Variants in AGBL4 observed in about 807,000 individuals in gnomAD.
AGBL4 encodes the protein AGBL carboxypeptidase 4.
Under a neutral mutation model 66.4 loss-of-function variants are expected in AGBL4, and 58 were observed. The ratio of observed to expected loss-of-function variants is 0.87; its 90% CI spans 0.71 to 1.09. AGBL4 has a LOEUF of 1.09. AGBL4 is among the 50% of genes least tolerant of loss of function. The pLI is 0.00. For missense variants in AGBL4, 579 were observed against 631.0 expected (o/e 0.92, Z 0.88); for synonymous variants, 234 against 222.9 (o/e 1.05, Z -0.44).
chr1:48,584,335 C>A (rs1569883824), intron 11 of AGBL4: 1 of 152,198 alleles, frequency 6.6e-6, no homozygotes. Context: ...CCACTTACAG[C>A]TTCTGCCCAT....
At chr1:49,561,815 A>G (rs1191999985) in intron 3 of AGBL4, among the ~76,000 whole-genome samples, 3 of 152,120 alleles carry the variant, frequency 2.0e-5, no homozygotes, top group South Asian at 4.1e-4. Flanking sequence ...TCCTTTGGAT[A>G]TATACCCAGT....
chr1:49,773,314 C>G (rs1402091522), intron 2 of AGBL4, among the ~76,000 whole-genome samples: 1 of 152,164 alleles, frequency 6.6e-6, no homozygotes, highest in Non-Finnish European at 1.5e-5. Context: ...GGACCTGTTA[C>G]TGGAAACTTA....
intron 4 of AGBL4, among the ~76,000 whole-genome samples, chr1:49,140,556 T>G (rs1047671896): frequency 6.6e-6 from 1 of 152,230 alleles, no homozygotes; most frequent in Non-Finnish European, 1.5e-5. Context: ...TGCACAGATT[T>G]CCAGAAGAAG....
intron 3 of AGBL4, among the ~76,000 whole-genome samples, chr1:49,354,616 C>A (rs911554447): frequency 6.6e-6 from 1 of 152,126 alleles, no homozygotes; most frequent in Non-Finnish European, 1.5e-5. Context: ...TACAGTAAAA[C>A]CTCATGTAAC....
chr1:49,458,991 T>C (rs1423353816), intron 3 of AGBL4, among the ~76,000 whole-genome samples: 1 of 151,708 alleles, frequency 6.6e-6, no homozygotes, highest in Non-Finnish European at 1.5e-5. Flanking sequence ...TTTGAATCTA[T>C]GTTCATCAGG....
At chr1:49,150,472 G>A (rs1156838813) in intron 4 of AGBL4, among the ~76,000 whole-genome samples, 3 of 152,116 alleles carry the variant, frequency 2.0e-5, no homozygotes, top group African/African-American at 4.8e-5. Flanking sequence ...AATAGGATAC[G>A]ATATTGACTT....
chr1:49,933,190 A>G (rs1344335710), intron 1 of AGBL4, among the ~76,000 whole-genome samples: 1 of 152,164 alleles, frequency 6.6e-6, no homozygotes, highest in Non-Finnish European at 1.5e-5. Flanking sequence ...ACAAATAGTA[A>G]TGTACAAGTG....
chr1:49,740,065 T>C (rs1203429424), intron 2 of AGBL4, among the ~76,000 whole-genome samples: 2 of 152,156 alleles, frequency 1.3e-5, no homozygotes, highest in African/African-American at 2.4e-5. Flanking sequence ...ACCTTAAATA[T>C]AAATGGGCTA....
intron 5 of AGBL4, among the ~76,000 whole-genome samples, chr1:48,928,152 T>G (rs2148899743): frequency 6.6e-6 from 1 of 152,270 alleles, no homozygotes; most frequent in Non-Finnish European, 1.5e-5. Context: ...AAGCATCCAC[T>G]GACAGGATGG....
chr1:48,840,779 TTATG>T (rs761300268), intron 6 of AGBL4, among the ~76,000 whole-genome samples: 1 of 152,176 alleles, frequency 6.6e-6, no homozygotes, highest in Non-Finnish European at 1.5e-5. Context: ...ATGAAAAAAC[TTATG>T]TTCACACAAA....
At chr1:48,739,044 C>T (rs1358826663) in intron 6 of AGBL4, among the ~76,000 whole-genome samples, 1 of 152,174 alleles carries the variant, frequency 6.6e-6, no homozygotes, top group African/African-American at 2.4e-5. Context: ...TTGCTGCCAC[C>T]ACGGTGGTAC....
At chr1:48,584,236 C>T (rs1434929456) in intron 11 of AGBL4, 3 of 152,190 alleles carry the variant, frequency 2.0e-5, no homozygotes, top group Non-Finnish European at 2.9e-5. Context: ...TCGAATCTGT[C>T]CTTCCATTGT....
At chr1:49,960,870 A>G (rs7518987) in intron 1 of AGBL4, among the ~76,000 whole-genome samples, 14,005 of 152,098 alleles carry the variant, frequency 0.092, 855 homozygotes, top group African/African-American at 0.16. Context: ...CAGAAATCTA[A>G]AAGACCACAG....
At chr1:48,684,769 C>G (rs1646505854) in intron 6 of AGBL4, among the ~76,000 whole-genome samples, 2 of 152,130 alleles carry the variant, frequency 1.3e-5, no homozygotes, top group South Asian at 4.2e-4. Context: ...AGATCCTTAT[C>G]CATTAAAAAT....
intron 11 of AGBL4, among the ~76,000 whole-genome samples, chr1:48,577,330 A>T (rs1023613078): frequency 6.6e-6 from 1 of 152,252 alleles, no homozygotes; most frequent in Admixed American, 6.5e-5. Context: ...GCTAACAGCC[A>T]TAATCCTGAA....
rs112204033 is a variant in AGBL4 at position 48,680,158 on chromosome 1, A to G, written c.635-16917T>C. On this transcript the variant is annotated intron_variant, in intron 6 of 13. Coordinates refer to ENST00000371839, the MANE Select transcript of AGBL4 (RefSeq NM_032785.4). ...ATCAATATAAAAATGACGCAGCTATAATTTGCTTTCAGATTCAGACTGGGA... is the reference window on the plus strand; with the variant it reads ...ATCAATATAAAAATGACGCAGCTATGATTTGCTTTCAGATTCAGACTGGGA... Among the ~76,000 whole-genome samples, 650 of 152,330 alleles carry G rather than the reference A, an allele frequency of 4.3e-3. 5 individuals carry two copies. The highest frequency in any genetic ancestry group is 0.015 in the African/African-American group (632 of 41,576).
intron 2 of AGBL4, among the ~76,000 whole-genome samples, chr1:49,809,766 G>T (rs1447285956): frequency 6.6e-6 from 1 of 152,156 alleles, no homozygotes; most frequent in Admixed American, 6.5e-5. Flanking sequence ...ATAAAGAAAG[G>T]ATAACAACCA....
intron 5 of AGBL4, among the ~76,000 whole-genome samples, chr1:49,024,741 A>C (rs1406576631): frequency 6.6e-6 from 1 of 152,180 alleles, no homozygotes; most frequent in Non-Finnish European, 1.5e-5. Context: ...TAAGGGAGAT[A>C]TGGTATTACA....
intron 2 of AGBL4, among the ~76,000 whole-genome samples, chr1:49,715,400 A>C (rs1648034416): frequency 1.3e-5 from 2 of 152,170 alleles, no homozygotes; most frequent in African/African-American, 2.4e-5. Context: ...AGTCTTTGCT[A>C]TTGTGAACAG....
Sources: allele counts gnomAD v4.1 joint callset (sites outside exome capture counted in the v4.1 genomes callset), GRCh38; gene constraint gnomAD v4.1.1; transcripts MANE v1.5; gene names NCBI Gene and HGNC (gene_info 2026-07-23, HGNC 2026-07-21).